Variants in USP18 observed in about 807,000 individuals in gnomAD.
USP18 encodes the protein ubiquitin specific peptidase 18, also known as ubl carboxyl-terminal hydrolase 18.
Under a neutral mutation model 48.7 loss-of-function variants are expected in USP18, and 11 were observed. The observed-to-expected ratio is 0.23, with a 90% CI of 0.14 to 0.37. The LOEUF (loss-of-function observed/expected upper bound fraction) is 0.37. Among genes scored for constraint, USP18 ranks in the 10% least tolerant of loss-of-function variants. The pLI, the probability that USP18 is intolerant of heterozygous loss-of-function variation, is 1.00. For synonymous variants in USP18, 114 were observed against 163.2 expected (o/e 0.70, Z 2.30); for missense variants, 285 against 436.4 (o/e 0.65, Z 3.09).
At chr22:18,156,681 A>G (rs917135734) in intron 1 of USP18, among the ~76,000 whole-genome samples, 1 of 152,232 alleles carries the variant, frequency 6.6e-6, no homozygotes, top group Non-Finnish European at 1.5e-5. Context: ...ACTCACCGCG[A>G]AGGTCTGCAG....
chr22:18,152,092 CA>C (rs1402547619), intron 1 of USP18, among the ~76,000 whole-genome samples: 2 of 152,100 alleles, frequency 1.3e-5, no homozygotes, highest in African/African-American at 4.8e-5. Context: ...AAAAGAAATG[CA>C]AAATAATGTG....
At chr22:18,155,127 G>A (rs1929093945) in intron 1 of USP18, among the ~76,000 whole-genome samples, 1 of 152,276 alleles carries the variant, frequency 6.6e-6, no homozygotes, top group Non-Finnish European at 1.5e-5. Context: ...CCACAGCTGT[G>A]ATGGCGTGCT....
At chr22:18,155,764 C>T (rs1929115127) in intron 1 of USP18, among the ~76,000 whole-genome samples, 1 of 152,234 alleles carries the variant, frequency 6.6e-6, no homozygotes, top group South Asian at 2.1e-4. Context: ...CCTGAGCCTC[C>T]CCACCCCGCA....
chr22:18,173,047 A>G, intron 8 of USP18, 103 bp from the exon 9 acceptor site: 1 of 1,574,180 alleles, frequency 6.4e-7, no homozygotes, highest in East Asian at 2.3e-5. Context: ...GTTTTCTAAT[A>G]TTCTAAAGTC....
chr22:18,169,841 C>G lies in USP18; in HGVS notation c.628-3C>G, dbSNP rs1239854037. ...TTTTTCCCTGTTCTCTTGGGTGGGACAGGAGGACGCCCTGCACTGCTTCTT... is the reference window on the plus strand; with the variant it reads ...TTTTTCCCTGTTCTCTTGGGTGGGAGAGGAGGACGCCCTGCACTGCTTCTT... On this transcript the variant is annotated splice_polypyrimidine_tract_variant and splice_region_variant and intron_variant, in intron 6 of 10. Transcript: ENST00000215794. 20 of 1,585,484 alleles carry G rather than the reference C, an allele frequency of 1.3e-5. No homozygotes were observed. The highest frequency in any genetic ancestry group is 1.5e-5 in the Non-Finnish European group (18 of 1,164,344).
chr22:18,154,385 A>C (rs1181863755), intron 1 of USP18, among the ~76,000 whole-genome samples: 2 of 152,170 alleles, frequency 1.3e-5, no homozygotes, highest in Non-Finnish European at 2.9e-5. Context: ...AGTACATATA[A>C]AAGGCTTTCA....
chr22:18,172,284 T>C (rs1248223120), intron 8 of USP18, among the ~76,000 whole-genome samples: 1 of 152,184 alleles, frequency 6.6e-6, no homozygotes, highest in African/African-American at 2.4e-5. Context: ...TTGAAGCAAA[T>C]CCCAGACATC....
chr22:18,162,681 C>T (rs1929363139), intron 4 of USP18, among the ~76,000 whole-genome samples: 1 of 151,072 alleles, frequency 6.6e-6, no homozygotes, highest in South Asian at 2.1e-4. Context: ...AACAGGGATA[C>T]GTTCTGAAAA....
At chr22:18,158,183 G>T (rs998055813) in intron 2 of USP18, among the ~76,000 whole-genome samples, 1 of 152,182 alleles carries the variant, frequency 6.6e-6, no homozygotes, top group Non-Finnish European at 1.5e-5. Flanking sequence ...AGCTACTTAG[G>T]TGGCTGAGGC....
At chr22:18,156,367 G>C (rs562280771) in intron 1 of USP18, among the ~76,000 whole-genome samples, 1 of 152,338 alleles carries the variant, frequency 6.6e-6, no homozygotes, top group South Asian at 2.1e-4. Flanking sequence ...AACCTGGTCA[G>C]GTTTCCTTCC....
intron 4 of USP18, among the ~76,000 whole-genome samples, chr22:18,165,571 C>G (rs1030550613): frequency 2.7e-5 from 4 of 147,056 alleles, no homozygotes; most frequent in African/African-American, 1.0e-4. Flanking sequence ...TTTCGCCTAC[C>G]CCTCTCCAGA....
At chr22:18,159,245 G>A (rs1042587404) in intron 2 of USP18, among the ~76,000 whole-genome samples, 8 of 151,912 alleles carry the variant, frequency 5.3e-5, no homozygotes, top group Non-Finnish European at 2.9e-5. Flanking sequence ...TAGTAAATAT[G>A]AGGTTTTACC....
chr22:18,159,645 C>G (rs1003436864), intron 2 of USP18, among the ~76,000 whole-genome samples: 29 of 148,558 alleles, frequency 2.0e-4, no homozygotes, highest in African/African-American at 7.0e-4. Context: ...CTACAGGCAC[C>G]TGTCATGACA....
At chr22:18,158,685 T>C (rs1929236244) in intron 2 of USP18, among the ~76,000 whole-genome samples, 2 of 152,234 alleles carry the variant, frequency 1.3e-5, no homozygotes, top group Admixed American at 1.3e-4. Context: ...CGTATTCTTA[T>C]AAGTTCCTTC....
intron 6 of USP18, among the ~76,000 whole-genome samples, chr22:18,169,044 A>G (rs146024659): frequency 0.018 from 2,767 of 152,086 alleles, 89 homozygotes; most frequent in African/African-American, 0.064. Context: ...TATGAGGAGA[A>G]CCAGAAGAAA....
intron 4 of USP18, among the ~76,000 whole-genome samples, chr22:18,166,998 C>A (rs903882826): frequency 1.3e-5 from 2 of 151,932 alleles, no homozygotes; most frequent in Admixed American, 6.6e-5. Context: ...CTTGGCCTCC[C>A]GAAGTGTTAA....
At chr22:18,175,124 A>G (rs1306226014) in intron 10 of USP18, among the ~76,000 whole-genome samples, 3 of 152,196 alleles carry the variant, frequency 2.0e-5, no homozygotes. Flanking sequence ...CGTGTTAGCC[A>G]GGATGGTCTC....
At chr22:18,161,065 C>T (rs1004378047) in intron 3 of USP18, among the ~76,000 whole-genome samples, 13 of 152,098 alleles carry the variant, frequency 8.5e-5, no homozygotes, top group Non-Finnish European at 1.0e-4. Flanking sequence ...CCACTGCGCC[C>T]GGCCAGGTAT....
intron 2 of USP18, among the ~76,000 whole-genome samples, chr22:18,159,499 C>CTTT (rs34724251): frequency 1.4e-5 from 2 of 140,062 alleles, no homozygotes; most frequent in African/African-American, 2.6e-5. Flanking sequence ...TTTTTGTCAA[C>CTTT]TTTTTTTTTT....
Sources: allele counts gnomAD v4.1 joint callset (sites outside exome capture counted in the v4.1 genomes callset), GRCh38; gene constraint gnomAD v4.1.1; transcripts MANE v1.5; gene names NCBI Gene and HGNC (gene_info 2026-07-23, HGNC 2026-07-21).